Variants in RGS12 observed in about 807,000 individuals in gnomAD.
RGS12 encodes the protein regulator of G-protein signaling 12.
Under a neutral mutation model 120.1 loss-of-function variants are expected in RGS12, and 66 were observed. The observed-to-expected ratio is 0.55, with a 90% CI of 0.45 to 0.67. RGS12 has a LOEUF of 0.67. RGS12 is among the 30% of genes least tolerant of loss of function. The pLI, the probability that RGS12 is intolerant of heterozygous loss-of-function variation, is 0.00. For missense variants in RGS12, 1,859 were observed against 1,957.7 expected (o/e 0.95, Z 0.95); for synonymous variants, 827 against 804.7 (o/e 1.03, Z -0.47).
chr4:3,338,271 G>C (rs1432981224), intron 2 of RGS12, among the ~76,000 whole-genome samples: 1 of 152,220 alleles, frequency 6.6e-6, no homozygotes, highest in East Asian at 1.9e-4. Context: ...TGTTGGTCAG[G>C]CTGGTCTCAA....
chr4:3,435,651 A>G (rs1195241694), intron 17 of RGS12, among the ~76,000 whole-genome samples: 1 of 150,928 alleles, frequency 6.6e-6, no homozygotes, highest in Non-Finnish European at 1.5e-5. Flanking sequence ...TGAACTGACC[A>G]GCTGGCCTCG....
At chr4:3,403,439 G>A (rs1446179781) in intron 4 of RGS12, among the ~76,000 whole-genome samples, 1 of 152,198 alleles carries the variant, frequency 6.6e-6, no homozygotes, top group African/African-American at 2.4e-5. Flanking sequence ...TGGGGATACC[G>A]GGACCTCACC....
chr4:3,359,768 G>T (rs2108836875), intron 3 of RGS12, among the ~76,000 whole-genome samples: 1 of 151,544 alleles, frequency 6.6e-6, no homozygotes, highest in Admixed American at 6.6e-5. Context: ...GAGAACAGGT[G>T]TGTGCCACCA....
At chr4:3,424,078 G>A (rs1723341696) in intron 13 of RGS12, among the ~76,000 whole-genome samples, 1 of 152,270 alleles carries the variant, frequency 6.6e-6, no homozygotes, top group Admixed American at 6.5e-5. Context: ...CTTTGTAGAT[G>A]GAAGAACTCA....
At chr4:3,410,233 C>A (rs548450183) in intron 4 of RGS12, among the ~76,000 whole-genome samples, 2 of 152,344 alleles carry the variant, frequency 1.3e-5, no homozygotes, top group East Asian at 3.9e-4. Flanking sequence ...TCTGGAATAG[C>A]TGGGACCACA....
At chr4:3,350,348 A>G (rs1445942216) in intron 3 of RGS12, among the ~76,000 whole-genome samples, 7 of 152,172 alleles carry the variant, frequency 4.6e-5, no homozygotes, top group Admixed American at 3.9e-4. Context: ...TTCTATTTTT[A>G]TTTTATCAAC....
intron 13 of RGS12, 106 bp downstream of exon 13, chr4:3,423,747 T>TC (rs2109173700): frequency 7.2e-7 from 1 of 1,391,072 alleles, no homozygotes; most frequent in South Asian, 1.4e-5. Flanking sequence ...AGCGGTGTCT[T>TC]CCCCTGATCT....
At chr4:3,338,082 C>CA (rs565296055) in intron 2 of RGS12, among the ~76,000 whole-genome samples, 65 of 152,294 alleles carry the variant, frequency 4.3e-4, no homozygotes, top group African/African-American at 1.5e-3. Flanking sequence ...TTGTTTTAGA[C>CA]AGAGTTTTGC....
chr4:3,304,764 G>C (rs1287894713), intron 1 of RGS12, among the ~76,000 whole-genome samples: 1 of 152,112 alleles, frequency 6.6e-6, no homozygotes, highest in African/African-American at 2.4e-5. Flanking sequence ...TTGCCACCTA[G>C]ATATAAGTAC....
At chr4:3,402,566 G>T (rs1304907630) in intron 4 of RGS12, among the ~76,000 whole-genome samples, 1 of 152,108 alleles carries the variant, frequency 6.6e-6, no homozygotes, top group African/African-American at 2.4e-5. Context: ...TGAGGGAAGG[G>T]TTTAGGACCA....
chr4:3,422,398 C>A lies in RGS12; in HGVS notation c.2861C>A (p.Ala954Glu). ...CAGTCGGAGGCCTGCAGGACTTTGG[C>A]ACCCGAGAAGGACAAGGCCACCAAG... ...LDLSEACRTL[A>E]PEKDKATKHC... The change falls in exon 11 of 18, where the codon GCA (alanine) becomes GAA (glutamate). Residue 954 changes from alanine (A) to glutamate (E), a missense_variant. Around this residue, in one of 3 missense-constraint regions of RGS12, gnomAD observed 375 missense variants for 475.0 expected, o/e 0.79. Coordinates refer to ENST00000336727, the MANE Select transcript of RGS12 (RefSeq NM_001394154.1). 1 of 1,612,224 alleles carries A rather than the reference C, an allele frequency of 6.2e-7. No homozygotes were observed. Among genetic ancestry groups the A allele is most frequent in the East Asian group, 2.2e-5 (1 of 44,846 alleles).
At chr4:3,410,671 G>T (rs1721638752) in intron 4 of RGS12, among the ~76,000 whole-genome samples, 1 of 152,196 alleles carries the variant, frequency 6.6e-6, no homozygotes, top group Non-Finnish European at 1.5e-5. Context: ...AGTGCAGAAG[G>T]TGCCTCTTGG....
intron 2 of RGS12, chr4:3,342,349 T>C: frequency 1.7e-6 from 2 of 1,143,606 alleles, no homozygotes; most frequent in Non-Finnish European, 2.2e-6. Context: ...ACAACATAGA[T>C]GTTTGTCGAA....
At chr4:3,340,485 G>T (rs898034415) in intron 2 of RGS12, among the ~76,000 whole-genome samples, 9 of 152,252 alleles carry the variant, frequency 5.9e-5, no homozygotes, top group African/African-American at 2.2e-4. Flanking sequence ...CAAAGGCCAT[G>T]AGGCGGGCGC....
chr4:3,295,468 C>T (rs1001462371), intron 1 of RGS12, among the ~76,000 whole-genome samples: 4 of 152,010 alleles, frequency 2.6e-5, no homozygotes, highest in African/African-American at 9.7e-5. Context: ...CGAGACCAGC[C>T]TGGCCAACAT....
In RGS12 at chr4:3,316,150, T is replaced by C; in HGVS notation, c.-21T>C. On this transcript the variant is annotated 5_prime_UTR_variant, in exon 2 of 18. Transcript: ENST00000336727. ...CCAAGGGAACAATGAGACGTGCTCT[T>C]GGTCTTGGAAGCTCATCAGAATGTT... The C allele has an allele frequency of 6.6e-7, 1 of 1,523,566 alleles. No homozygotes were observed. Among genetic ancestry groups the C allele is most frequent in the Non-Finnish European group, 8.8e-7 (1 of 1,136,860 alleles). The allele number at this position is 1,523,566 out of a possible 1,614,324, so 94.4% of individuals were successfully genotyped here.
intron 1 of RGS12, among the ~76,000 whole-genome samples, chr4:3,304,788 G>T (rs1427567434): frequency 1.3e-5 from 2 of 152,172 alleles, no homozygotes; most frequent in Admixed American, 1.3e-4. Context: ...ACCATTTTGT[G>T]CTTATAGCAG....
At chr4:3,326,532 G>A (rs568915697) in intron 2 of RGS12, among the ~76,000 whole-genome samples, 4 of 152,136 alleles carry the variant, frequency 2.6e-5, no homozygotes, top group Non-Finnish European at 4.4e-5. Context: ...GTGAGCCACC[G>A]CCCCTGGCTA....
intron 3 of RGS12, among the ~76,000 whole-genome samples, chr4:3,362,638 A>T: frequency 9.8e-6 from 1 of 102,058 alleles, no homozygotes; most frequent in African/African-American, 4.0e-5. Flanking sequence ...TGAATGTGAG[A>T]GTGAGGGTGT....
Sources: allele counts gnomAD v4.1 joint callset (sites outside exome capture counted in the v4.1 genomes callset), GRCh38; gene constraint gnomAD v4.1.1; regional missense constraint gnomAD v4.1.1; transcripts MANE v1.5; gene names NCBI Gene and HGNC (gene_info 2026-07-23, HGNC 2026-07-21).